Variants in DTNB observed in about 807,000 individuals in gnomAD.
The protein encoded by DTNB is DTN-B.
A neutral mutation model predicts 90.7 loss-of-function variants in DTNB; 63 were observed. That is an observed-to-expected ratio of 0.69 (90% confidence interval 0.57 to 0.86). The LOEUF is 0.86. DTNB is among the 40% of genes least tolerant of loss of function. DTNB has a pLI of 0.00. For synonymous variants in DTNB, 277 were observed against 286.7 expected, an observed-to-expected ratio of 0.97 and a Z score of 0.34; for missense variants, 744 against 807.1, an observed-to-expected ratio of 0.92 and a Z score of 0.95.
At chr2:25,642,980 T>C (rs2148864628) in intron 2 of DTNB, among the ~76,000 whole-genome samples, 1 of 152,254 alleles carries the variant, frequency 6.6e-6, no homozygotes, top group African/African-American at 2.4e-5. Flanking sequence ...CTCAAACTCC[T>C]GACCTCAAGC....
At chr2:25,524,055 C>A (rs1361849921) in intron 9 of DTNB, among the ~76,000 whole-genome samples, 2 of 152,056 alleles carry the variant, frequency 1.3e-5, no homozygotes, top group Non-Finnish European at 2.9e-5. Flanking sequence ...GCATGCACCA[C>A]CACACCCAGC....
chr2:25,627,707 T>A (rs1278550858), intron 4 of DTNB, among the ~76,000 whole-genome samples: 8 of 151,914 alleles, frequency 5.3e-5, no homozygotes, highest in Non-Finnish European at 1.0e-4. Flanking sequence ...TGAACCAGTT[T>A]CTAGAGGGGC....
At chr2:25,459,557 G>A (rs1283650294) in intron 10 of DTNB, among the ~76,000 whole-genome samples, 1 of 152,238 alleles carries the variant, frequency 6.6e-6, no homozygotes, top group East Asian at 1.9e-4. Flanking sequence ...GCAGTGGCGT[G>A]ACCTTGGCTC....
At chr2:25,430,451 C>T (rs908451447) in intron 14 of DTNB, among the ~76,000 whole-genome samples, 13 of 151,844 alleles carry the variant, frequency 8.6e-5, no homozygotes, top group African/African-American at 2.4e-4. Context: ...CAAACAATTA[C>T]GGTATAAGCT....
At chr2:25,643,836 T>C (rs186168644) in intron 2 of DTNB, among the ~76,000 whole-genome samples, 109 of 152,268 alleles carry the variant, frequency 7.2e-4, no homozygotes, top group African/African-American at 2.4e-3. Context: ...GCTGCATTCC[T>C]AGACAGTTAA....
At chr2:25,598,473 C>T (rs562030565) in intron 5 of DTNB, among the ~76,000 whole-genome samples, 1 of 152,264 alleles carries the variant, frequency 6.6e-6, no homozygotes, top group East Asian at 1.9e-4. Context: ...CAAACTCTAA[C>T]ACTAAGCATT....
chr2:25,500,220 C>G (rs570904956), intron 9 of DTNB, among the ~76,000 whole-genome samples: 2 of 152,092 alleles, frequency 1.3e-5, no homozygotes, highest in Non-Finnish European at 2.9e-5. Flanking sequence ...CCATTCTAAT[C>G]TACCTTAAGC....
chr2:25,491,924 G>A (rs192514332), intron 9 of DTNB, among the ~76,000 whole-genome samples: 1 of 151,856 alleles, frequency 6.6e-6, no homozygotes, highest in East Asian at 1.9e-4. Context: ...ACTGAGGCAT[G>A]GAGAAAAGTA....
intron 2 of DTNB, among the ~76,000 whole-genome samples, chr2:25,649,196 G>A (rs954782220): frequency 4.0e-5 from 6 of 151,664 alleles, no homozygotes; most frequent in Admixed American, 2.0e-4. Flanking sequence ...TAGTAGAGAC[G>A]GGGTTTCACC....
At chr2:25,577,687 C>T (rs1407311461) in intron 7 of DTNB, among the ~76,000 whole-genome samples, 1 of 152,040 alleles carries the variant, frequency 6.6e-6, no homozygotes, top group Non-Finnish European at 1.5e-5. Flanking sequence ...CAACTCTGAA[C>T]ACAAGAAAAG....
intron 20 of DTNB, 150 bp downstream of exon 20, chr2:25,379,140 G>A (rs1162148212): frequency 4.4e-6 from 3 of 683,762 alleles, no homozygotes; most frequent in Non-Finnish European, 6.2e-6. Flanking sequence ...TGGCTGGGGT[G>A]GGCAAAGGGA....
intron 8 of DTNB, among the ~76,000 whole-genome samples, chr2:25,553,065 T>C: frequency 6.6e-6 from 1 of 151,530 alleles, no homozygotes; most frequent in Non-Finnish European, 1.5e-5. Flanking sequence ...TTTCACCTTG[T>C]TAGCCAGGAT....
rs533509287 is a variant in DTNB, at chr2:25,540,632, G to A, written c.877-9035C>T. Among the ~76,000 whole-genome samples, 221 of 152,160 alleles carry A rather than the reference G, an allele frequency of 1.5e-3. 3 individuals are homozygous for A. The highest frequency in any genetic ancestry group is 2.1e-4 in the Non-Finnish European group (14 of 68,000). On this transcript the variant is annotated intron_variant, in intron 8 of 20. Coordinates refer to ENST00000406818, the MANE Select transcript of DTNB (RefSeq NM_021907.5). The stretch of plus-strand genomic sequence containing the variant: ...AAGGTGGGGAAAAGACTGAGAAATC[G>A]GATGGTTGCTGTGTCTGTGTAGAAA...
intron 2 of DTNB, among the ~76,000 whole-genome samples, chr2:25,649,263 C>T (rs1574016883): frequency 1.3e-5 from 2 of 152,004 alleles, no homozygotes; most frequent in Admixed American, 6.6e-5. Flanking sequence ...CCTTGGCCTC[C>T]GAAAGTGCTG....
chr2:25,432,860 G>A (rs915859218), intron 14 of DTNB, 26 bp downstream of exon 14: 1 of 1,567,344 alleles, frequency 6.4e-7, no homozygotes. Flanking sequence ...ATTACATGTG[G>A]CAAGTGGTAG....
chr2:25,403,603 C>T (rs776004932), intron 16 of DTNB, among the ~76,000 whole-genome samples: 1 of 152,160 alleles, frequency 6.6e-6, no homozygotes, highest in South Asian at 2.1e-4. Context: ...AATCTATTAG[C>T]AGGAAGCCAG....
intron 8 of DTNB, among the ~76,000 whole-genome samples, chr2:25,569,819 C>T (rs999041614): frequency 6.6e-6 from 1 of 152,050 alleles, no homozygotes; most frequent in Non-Finnish European, 1.5e-5. Flanking sequence ...AAATGGTGGC[C>T]GGGCGTGGTG....
At chr2:25,662,670 AC>A (rs2149018393) in intron 1 of DTNB, among the ~76,000 whole-genome samples, 2 of 82,770 alleles carry the variant, frequency 2.4e-5, no homozygotes, top group African/African-American at 3.3e-5. Flanking sequence ...ACACACACAC[AC>A]ACACACACAA....
chr2:25,403,416 C>T (rs1392963393), intron 16 of DTNB, among the ~76,000 whole-genome samples: 8 of 151,994 alleles, frequency 5.3e-5, no homozygotes, highest in Admixed American at 2.0e-4. Flanking sequence ...GTGCCTGGCC[C>T]GTATCCCACT....
Sources: gnomAD v4.1 joint callset for allele counts (sites outside exome capture counted in the v4.1 genomes callset) on GRCh38, gnomAD v4.1.1 for gene constraint, MANE v1.5 for transcripts, NCBI Gene and HGNC (gene_info 2026-07-23, HGNC 2026-07-21) for gene names.